ICA1L: variants seen among roughly 807,000 people sequenced by gnomAD.
ICA1L encodes the protein islet cell autoantigen 1-like protein.
ICA1L carries 50 observed loss-of-function variants against 61.3 expected under a neutral mutation model. The ratio of observed to expected loss-of-function variants is 0.82; its 90% CI spans 0.65 to 1.03. The LOEUF (loss-of-function observed/expected upper bound fraction) is 1.03. Ranked by LOEUF, ICA1L falls within the 50% of genes least tolerant of loss-of-function variation. The pLI is 0.00. For missense variants in ICA1L, 508 were observed against 556.7 expected, an observed-to-expected ratio of 0.91 and a Z score of 0.88; for synonymous variants, 161 against 191.3, an observed-to-expected ratio of 0.84 and a Z score of 1.31.
At chr2:202,787,769 T>C (rs1692632300) in intron 11 of ICA1L, among the ~76,000 whole-genome samples, 1 of 152,136 alleles carries the variant, frequency 6.6e-6, no homozygotes. Context: ...AAATCTAGGA[T>C]GTGAGAGACT....
chr2:202,863,496 T>A (rs1166424148), intron 1 of ICA1L, among the ~76,000 whole-genome samples: 1 of 151,468 alleles, frequency 6.6e-6, no homozygotes, highest in African/African-American at 2.4e-5. Flanking sequence ...GTAAGACTGA[T>A]CAACAAAGAA....
intron 9 of ICA1L, among the ~76,000 whole-genome samples, chr2:202,810,312 CAGA>C (rs776828066): frequency 5.3e-5 from 8 of 152,216 alleles, no homozygotes; most frequent in Non-Finnish European, 1.0e-4. Context: ...GAAGCCATGG[CAGA>C]AGAAGATTTC....
rs190839071 is a variant in ICA1L, at chr2:202,780,400, G to C, written c.1334-752C>G. On this transcript the variant is annotated intron_variant, in intron 12 of 12. Transcript: ENST00000358299. ...ATCAGATCCCTCACATCTCCTTATG[G>C]AGACTGGAAAATTTTATTTCTCAAG... 1.1e-3 allele frequency among the ~76,000 whole-genome samples: 172 copies of C among 152,280 alleles called. 1 individual carries two copies. Among genetic ancestry groups the C allele is most frequent in the African/African-American group, 4.0e-3 (165 of 41,564 alleles).
chr2:202,802,903 A>G (rs563813134), intron 9 of ICA1L, among the ~76,000 whole-genome samples: 1 of 152,304 alleles, frequency 6.6e-6, no homozygotes, highest in South Asian at 2.1e-4. Flanking sequence ...ATGAAAAAAA[A>G]CCTCAAATAG....
chr2:202,773,639 T>G lies in ICA1L; in HGVS notation c.*5894A>C. 1 of 684,794 alleles carries G rather than the reference T, an allele frequency of 1.5e-6. No homozygotes were observed. The highest frequency in any genetic ancestry group is 1.9e-5 in the South Asian group (1 of 53,210). The allele number at this position is 684,794 out of a possible 1,614,324, so 42.4% of individuals were successfully genotyped here. Reference sequence around the variant, plus strand: ...AAAGCAAAGCCTCTTTCCCACAAACTAAATTCCATCCATTTGAGCTTTCAG... The same window carrying G: ...AAAGCAAAGCCTCTTTCCCACAAACGAAATTCCATCCATTTGAGCTTTCAG... On this transcript the variant is annotated 3_prime_UTR_variant, in exon 13 of 13. Transcript: ENST00000358299.
chr2:202,829,090 T>A, intron 1 of ICA1L, 74 bp from the exon 2 acceptor site: 1 of 1,275,750 alleles, frequency 7.8e-7, no homozygotes, highest in Non-Finnish European at 1.1e-6. Flanking sequence ...GGCTCACGCC[T>A]GTAATTCCAC....
intron 1 of ICA1L, among the ~76,000 whole-genome samples, chr2:202,850,162 G>C (rs1053945197): frequency 6.6e-6 from 1 of 151,992 alleles, no homozygotes; most frequent in Non-Finnish European, 1.5e-5. Context: ...AAAGATCAAA[G>C]GTAGATAAAT....
Position 202,823,431 on chromosome 2 carries a change from C to T in ICA1L, c.236-1950G>A, listed in dbSNP as rs541654086. Among the ~76,000 whole-genome samples the T allele has an allele frequency of 6.6e-5, 10 of 152,232 alleles. No individual in the cohort carries two copies. In the South Asian group the frequency reaches 1.9e-3, roughly 28 times the overall value. On this transcript the variant is annotated intron_variant, in intron 3 of 12. Transcript: ENST00000358299. ...TATTCTGAAATGCTCCACCAGAGTGCTAAAAGATCTAGTGATTTCAGGGTA... is the reference window on the plus strand; with the variant it reads ...TATTCTGAAATGCTCCACCAGAGTGTTAAAAGATCTAGTGATTTCAGGGTA...
chr2:202,847,682 T>A (rs1694500164), intron 1 of ICA1L, among the ~76,000 whole-genome samples: 1 of 136,584 alleles, frequency 7.3e-6, no homozygotes, highest in Non-Finnish European at 1.6e-5. Context: ...TAGAATGAAA[T>A]ATTATATGGG....
intron 1 of ICA1L, among the ~76,000 whole-genome samples, chr2:202,837,084 C>T (rs1378108907): frequency 6.6e-6 from 1 of 152,032 alleles, no homozygotes; most frequent in African/African-American, 2.4e-5. Context: ...TCAAGTGATC[C>T]GCCCACCTCG....
At chr2:202,821,073 A>C (rs1258778744) in intron 4 of ICA1L, among the ~76,000 whole-genome samples, 1 of 152,236 alleles carries the variant, frequency 6.6e-6, no homozygotes, top group African/African-American at 2.4e-5. Context: ...CAGTTGAGAA[A>C]TATAACTGAT....
chr2:202,784,867 G>A (rs1211075181), intron 12 of ICA1L, among the ~76,000 whole-genome samples: 1 of 152,158 alleles, frequency 6.6e-6, no homozygotes, highest in African/African-American at 2.4e-5. Flanking sequence ...AAAAAGTTCT[G>A]AAGATCTGTT....
At chr2:202,865,086 C>A (rs1413508765) in intron 1 of ICA1L, among the ~76,000 whole-genome samples, 1 of 151,568 alleles carries the variant, frequency 6.6e-6, no homozygotes, top group East Asian at 1.9e-4. Context: ...TTGCTTGAAT[C>A]CGGGAGGTGG....
At chr2:202,791,564 T>C (rs1404940846) in intron 10 of ICA1L, among the ~76,000 whole-genome samples, 3 of 152,166 alleles carry the variant, frequency 2.0e-5, no homozygotes, top group African/African-American at 4.8e-5. Context: ...AGCACTAGAA[T>C]AGCCAGGCAC....
rs1692211903 is a variant in ICA1L at position 202,776,097 on chromosome 2, A to G, written c.*3436T>C. On this transcript the variant is annotated 3_prime_UTR_variant, in exon 13 of 13. Transcript: ENST00000358299. ...TAGATGGTCTATACAGATACGTGAA[A>G]TATTTATAGTTAAAATACAAAACAC... The G allele has an allele frequency of 6.6e-6, 1 of 152,252 alleles. No individual in the cohort carries two copies. The highest frequency in any genetic ancestry group is 2.4e-5 in the African/African-American group (1 of 41,476). 9.4% of individuals were successfully genotyped at this position (152,252 alleles called of 1,614,324 possible).
At chr2:202,811,978 A>T (rs927544189) in intron 8 of ICA1L, among the ~76,000 whole-genome samples, 189 bp from the exon 9 acceptor site, 1 of 152,068 alleles carries the variant, frequency 6.6e-6, no homozygotes, top group African/African-American at 2.4e-5. Context: ...CAGACCTTTC[A>T]CCCCTTATTC....
chr2:202,813,103 T>C (rs967591231), intron 8 of ICA1L, among the ~76,000 whole-genome samples: 1 of 151,694 alleles, frequency 6.6e-6, no homozygotes, highest in Non-Finnish European at 1.5e-5. Context: ...TACTAAAAAA[T>C]ACAGAAACTA....
intron 3 of ICA1L, among the ~76,000 whole-genome samples, chr2:202,825,077 A>AT (rs1693801070): frequency 1.3e-5 from 2 of 152,324 alleles, no homozygotes; most frequent in East Asian, 3.9e-4. Context: ...ATTACATCAC[A>AT]TTTTTCTGTA....
intron 9 of ICA1L, among the ~76,000 whole-genome samples, chr2:202,803,191 T>G (rs920343570): frequency 2.0e-5 from 3 of 151,990 alleles, no homozygotes; most frequent in African/African-American, 7.2e-5. Flanking sequence ...GCAGATCACC[T>G]GAGGTCAGGA....
Sources: allele counts gnomAD v4.1 joint callset (sites outside exome capture counted in the v4.1 genomes callset), GRCh38; gene constraint gnomAD v4.1.1; transcripts MANE v1.5; gene names NCBI Gene and HGNC (gene_info 2026-07-23, HGNC 2026-07-21).